Variants in ZDHHC14 observed in about 807,000 individuals in gnomAD.
The protein encoded by ZDHHC14 is palmitoyltransferase ZDHHC14.
Under a neutral mutation model 47.7 loss-of-function variants are expected in ZDHHC14, and 16 were observed. The ratio of observed to expected loss-of-function variants is 0.34; its 90% CI spans 0.23 to 0.51. The LOEUF (loss-of-function observed/expected upper bound fraction) is 0.51. Ranked by LOEUF, ZDHHC14 falls within the 20% of genes least tolerant of loss-of-function variation. ZDHHC14 has a pLI of 0.97. For synonymous variants in ZDHHC14, 293 were observed against 278.9 expected (o/e 1.05, Z -0.50); for missense variants, 515 against 662.5 (o/e 0.78, Z 2.44).
intron 7 of ZDHHC14, among the ~76,000 whole-genome samples, chr6:157,649,001 T>G (rs541498676): frequency 2.0e-5 from 3 of 152,342 alleles, no homozygotes; most frequent in Admixed American, 2.0e-4. Flanking sequence ...CACGGCTTTA[T>G]GTTGTTTAGA....
chr6:157,519,731 G>A (rs745807431), intron 1 of ZDHHC14, among the ~76,000 whole-genome samples: 7 of 152,200 alleles, frequency 4.6e-5, no homozygotes, highest in African/African-American at 1.4e-4. Context: ...TCTGCAAAAC[G>A]AAAGGATTCA....
chr6:157,654,006 A>G (rs1436566887), intron 8 of ZDHHC14, among the ~76,000 whole-genome samples: 1 of 152,034 alleles, frequency 6.6e-6, no homozygotes, highest in Admixed American at 6.5e-5. Flanking sequence ...CCCCATCTGT[A>G]CTGACCCCTC....
At chr6:157,654,137 A>G (rs566520507) in intron 8 of ZDHHC14, among the ~76,000 whole-genome samples, 4 of 152,314 alleles carry the variant, frequency 2.6e-5, no homozygotes, top group East Asian at 1.9e-4. Flanking sequence ...TTCACTTGCC[A>G]CAAAACTGAC....
intron 3 of ZDHHC14, among the ~76,000 whole-genome samples, chr6:157,613,944 C>G (rs914078373): frequency 6.6e-6 from 1 of 152,180 alleles, no homozygotes; most frequent in African/African-American, 2.4e-5. Context: ...ATTGAAAGGG[C>G]TGACAGTTTT....
chr6:157,456,187 G>A lies in ZDHHC14; in HGVS notation c.245+73921G>A, dbSNP rs141890717. 4.6e-3 allele frequency among the ~76,000 whole-genome samples: 707 copies of A among 152,326 alleles called. 2 individuals carry two copies. The highest frequency in any genetic ancestry group is 8.1e-3 in the Admixed American group (124 of 15,308). On this transcript the variant is annotated intron_variant, in intron 1 of 8. Coordinates refer to ENST00000359775, the MANE Select transcript of ZDHHC14 (RefSeq NM_024630.3). ...GCCTCCCCGAGGAGGCTGCCACGGC[G>A]CGTGGCCCTAGATTCTGACAGAGGT... is the stretch of plus-strand genomic sequence containing the variant.
At chr6:157,515,848 A>C (rs1330903900) in intron 1 of ZDHHC14, among the ~76,000 whole-genome samples, 1 of 152,136 alleles carries the variant, frequency 6.6e-6, no homozygotes, top group African/African-American at 2.4e-5. Context: ...AACTAACTGC[A>C]TCTAGATAGT....
At chr6:157,561,215 C>T (rs1394332059) in intron 2 of ZDHHC14, among the ~76,000 whole-genome samples, 4 of 149,866 alleles carry the variant, frequency 2.7e-5, no homozygotes, top group Non-Finnish European at 5.9e-5. Flanking sequence ...AACAATCTAT[C>T]CCGTGTGTGG....
intron 2 of ZDHHC14, among the ~76,000 whole-genome samples, chr6:157,583,275 T>G (rs377142708): frequency 6.6e-6 from 1 of 152,162 alleles, no homozygotes; most frequent in Non-Finnish European, 1.5e-5. Context: ...TGCAATTGTT[T>G]GGAAAGAAGA....
intron 5 of ZDHHC14, among the ~76,000 whole-genome samples, chr6:157,636,037 CAG>C (rs1457090735): frequency 1.3e-5 from 2 of 152,286 alleles, no homozygotes; most frequent in Admixed American, 6.5e-5. Context: ...CCTCCACACT[CAG>C]GGGCAGGGCA....
intron 1 of ZDHHC14, among the ~76,000 whole-genome samples, chr6:157,477,049 A>C (rs1026775328): frequency 6.6e-6 from 1 of 152,190 alleles, no homozygotes; most frequent in Admixed American, 6.5e-5. Flanking sequence ...AGTCCTAGCC[A>C]AAATAACTAG....
In ZDHHC14 at chr6:157,610,033, A is replaced by G. The variant is rs539386203; in HGVS notation, c.565+16887A>G. Among the ~76,000 whole-genome samples, 31 of 152,350 alleles carry G rather than the reference A, an allele frequency of 2.0e-4. 1 individual carries two copies. Among genetic ancestry groups the G allele is most frequent in the South Asian group, 1.7e-3 (8 of 4,828 alleles). On this transcript the variant is annotated intron_variant, in intron 3 of 8. Transcript: ENST00000359775. ...TGAAGTTCATCACAGAGGGGGCTGC[A>G]GGCCATCCCAGGGGAGTCCTTTGTT...
chr6:157,633,679 TTG>T (rs1776826262), intron 5 of ZDHHC14, among the ~76,000 whole-genome samples: 2 of 152,158 alleles, frequency 1.3e-5, no homozygotes, highest in South Asian at 4.1e-4. Context: ...TTATTCGTTT[TTG>T]TTTGTTTTGT....
intron 2 of ZDHHC14, among the ~76,000 whole-genome samples, chr6:157,563,865 G>A (rs910500576): frequency 1.3e-5 from 2 of 152,226 alleles, no homozygotes; most frequent in Non-Finnish European, 2.9e-5. Context: ...GCATGGAAGC[G>A]AAACAGTGTG....
chr6:157,413,122 G>A (rs1042047215), intron 1 of ZDHHC14, among the ~76,000 whole-genome samples: 14 of 152,140 alleles, frequency 9.2e-5, no homozygotes, highest in South Asian at 6.2e-4. Context: ...CCATAGAAGC[G>A]TCTAAAGTGC....
chr6:157,675,992 A>G lies in ZDHHC14; in HGVS notation c.*2870A>G, dbSNP rs1583113354. The stretch of plus-strand genomic sequence containing the variant: ...CGTTCTCCCAGGAGTGCTCCAGGGA[A>G]CCACAGGCTTCCCGGCACTTGAAGG... On this transcript the variant is annotated 3_prime_UTR_variant, in exon 9 of 9. Transcript: ENST00000359775. 6.6e-6 allele frequency: 1 copy of G among 152,258 alleles called. No homozygotes were observed. The highest frequency in any genetic ancestry group is 1.9e-4 in the East Asian group (1 of 5,192). 9.4% of individuals were successfully genotyped at this position (152,258 alleles called of 1,614,324 possible).
chr6:157,642,579 C>T (rs917034145), intron 5 of ZDHHC14, among the ~76,000 whole-genome samples: 2 of 152,148 alleles, frequency 1.3e-5, no homozygotes, highest in Admixed American at 6.5e-5. Context: ...ACTTTCTTAG[C>T]AGGGGTTGTG....
intron 1 of ZDHHC14, among the ~76,000 whole-genome samples, chr6:157,445,387 T>TA (rs1164346710): frequency 6.6e-6 from 1 of 152,220 alleles, no homozygotes; most frequent in African/African-American, 2.4e-5. Flanking sequence ...CAGAAATAGA[T>TA]GAAAACCTGG....
intron 3 of ZDHHC14, among the ~76,000 whole-genome samples, chr6:157,621,044 G>T (rs899211476): frequency 6.6e-6 from 1 of 152,204 alleles, no homozygotes; most frequent in Non-Finnish European, 1.5e-5. Flanking sequence ...GTGGAGTAAG[G>T]CAGGTGAAGT....
At chr6:157,649,443 C>A (rs1325567413) in intron 7 of ZDHHC14, among the ~76,000 whole-genome samples, 1 of 152,208 alleles carries the variant, frequency 6.6e-6, no homozygotes, top group Non-Finnish European at 1.5e-5. Flanking sequence ...GGGGGTGATG[C>A]CTACCTTTGC....
Sources: gnomAD v4.1 joint callset for allele counts (sites outside exome capture counted in the v4.1 genomes callset) on GRCh38, gnomAD v4.1.1 for gene constraint, MANE v1.5 for transcripts, NCBI Gene and HGNC (gene_info 2026-07-23, HGNC 2026-07-21) for gene names.